Variants in UNC5C observed in about 807,000 individuals in gnomAD.
The protein encoded by UNC5C is netrin receptor UNC5C.
A neutral mutation model predicts 99.8 loss-of-function variants in UNC5C; 47 were observed. The observed-to-expected ratio is 0.47, with a 90% confidence interval of 0.37 to 0.60. UNC5C has a LOEUF of 0.60. Among genes scored for constraint, UNC5C ranks in the 20% least tolerant of loss-of-function variants. The pLI, the probability that UNC5C is intolerant of heterozygous loss-of-function variation, is 0.00. For missense variants in UNC5C, 1,062 were observed against 1,165.9 expected (o/e 0.91, Z 1.30); for synonymous variants, 487 against 452.2 (o/e 1.08, Z -0.98).
At chr4:95,455,967 C>A (rs1323117880) in intron 1 of UNC5C, among the ~76,000 whole-genome samples, 1 of 152,058 alleles carries the variant, frequency 6.6e-6, no homozygotes, top group African/African-American at 2.4e-5. Flanking sequence ...GTGTCTGAAA[C>A]CACAAGTTTG....
At chr4:95,340,941 G>C (rs1027768963) in intron 1 of UNC5C, among the ~76,000 whole-genome samples, 1 of 152,054 alleles carries the variant, frequency 6.6e-6, no homozygotes, top group African/African-American at 2.4e-5. Flanking sequence ...TTTAATAAAT[G>C]CAATGTGATG....
At chr4:95,370,401 A>G (rs1744709586) in intron 1 of UNC5C, among the ~76,000 whole-genome samples, 1 of 152,142 alleles carries the variant, frequency 6.6e-6, no homozygotes, top group Non-Finnish European at 1.5e-5. Flanking sequence ...ACTTTTGCTT[A>G]TGTCACAGCA....
At position 95,220,049 on chromosome 4, in the gene UNC5C, A is replaced by C. The variant is rs1478829968; in HGVS notation, c.1236T>G (p.Asp412Glu). The C allele has an allele frequency of 6.2e-7, 1 of 1,614,170 alleles. No homozygotes were observed. The highest frequency in any genetic ancestry group is 8.5e-7 in the Non-Finnish European group (1 of 1,180,008). Residue 412 changes from aspartate to glutamate, a missense_variant, in exon 8 of 16, where the codon GAT becomes GAG. Asp to Glu is a conservative substitution (Grantham distance 45, BLOSUM62 2). Around this residue, in one of 3 missense-constraint regions of UNC5C, gnomAD observed 810 missense variants for 854.5 expected, o/e 0.95. Coordinates refer to ENST00000453304, the MANE Select transcript of UNC5C (RefSeq NM_003728.4). Reference sequence around the variant, plus strand: ...CATTGAGTGCCGAAGAGTCAATAATATCTGACTCAAAGTCACGATGATTCT... The same window carrying C: ...CATTGAGTGCCGAAGAGTCAATAATCTCTGACTCAAAGTCACGATGATTCT... ...YRKNHRDFESDIIDSSALNGG... is the reference protein window; with the variant it reads ...YRKNHRDFESEIIDSSALNGG...
intron 1 of UNC5C, among the ~76,000 whole-genome samples, chr4:95,527,493 T>C (rs1722529056): frequency 6.6e-6 from 1 of 152,100 alleles, no homozygotes; most frequent in South Asian, 2.1e-4. Flanking sequence ...TTTTTTTAAA[T>C]ATTGGAGTAT....
intron 1 of UNC5C, among the ~76,000 whole-genome samples, chr4:95,388,569 G>C (rs1390094538): frequency 6.6e-6 from 1 of 152,172 alleles, no homozygotes. Context: ...TACAGTATTT[G>C]CTTTCCTTCT....
chr4:95,224,624 A>G (rs1357678984), intron 7 of UNC5C, among the ~76,000 whole-genome samples: 2 of 152,044 alleles, frequency 1.3e-5, no homozygotes, highest in African/African-American at 4.8e-5. Flanking sequence ...TCATTCATTC[A>G]TTCATTCATC....
At chr4:95,505,148 T>TA (rs1721880625) in intron 1 of UNC5C, among the ~76,000 whole-genome samples, 1 of 152,136 alleles carries the variant, frequency 6.6e-6, no homozygotes, top group African/African-American at 2.4e-5. Context: ...AATTTGATTC[T>TA]AATTATTCAT....
intron 7 of UNC5C, among the ~76,000 whole-genome samples, chr4:95,237,111 G>A (rs1270665146): frequency 1.3e-5 from 2 of 151,904 alleles, no homozygotes; most frequent in Non-Finnish European, 2.9e-5. Context: ...TTGTTATACT[G>A]TATTTTAACA....
rs1044300137 is a variant in UNC5C at position 95,164,624 on chromosome 4, A to G, written c.*4610T>C. On this transcript the variant is annotated 3_prime_UTR_variant, in exon 16 of 16. Transcript: ENST00000453304. ...ATAAAATATTTTCCTTATTAGATCT[A>G]TAAAATCTAATGCTTATCAACCATT... 1 of 152,264 alleles carries G rather than the reference A, an allele frequency of 6.6e-6. No homozygotes were observed. Among genetic ancestry groups the G allele is most frequent in the Non-Finnish European group, 1.5e-5 (1 of 68,052 alleles). The allele number at this position is 152,264 out of a possible 1,614,324, so 9.4% of individuals were successfully genotyped here. A position where few individuals can be genotyped will look rare whatever the true frequency, so the allele number is the denominator to read the frequency against.
At chr4:95,260,240 C>T (rs1740169741) in intron 4 of UNC5C, among the ~76,000 whole-genome samples, 2 of 152,052 alleles carry the variant, frequency 1.3e-5, no homozygotes, top group Admixed American at 6.5e-5. Flanking sequence ...CAAAACGAAA[C>T]AAAAAAACCC....
intron 1 of UNC5C, among the ~76,000 whole-genome samples, chr4:95,389,606 G>T (rs553010883): frequency 4.6e-5 from 7 of 151,788 alleles, no homozygotes; most frequent in Non-Finnish European, 8.8e-5. Flanking sequence ...AATGACTGAT[G>T]CTTATTTCTG....
intron 15 of UNC5C, among the ~76,000 whole-genome samples, 164 bp downstream of exon 15, chr4:95,169,990 G>A (rs1353875290): frequency 6.6e-6 from 1 of 152,262 alleles, no homozygotes; most frequent in East Asian, 1.9e-4. Flanking sequence ...TTGCAAGCCC[G>A]TAGTGCAAGG....
intron 1 of UNC5C, among the ~76,000 whole-genome samples, chr4:95,413,176 T>C (rs1226198243): frequency 1.3e-5 from 2 of 152,182 alleles, no homozygotes; most frequent in African/African-American, 4.8e-5. Context: ...ACAGCTTTCC[T>C]TGATTTGTTG....
chr4:95,444,614 A>G (rs1428836588), intron 1 of UNC5C, among the ~76,000 whole-genome samples: 2 of 152,166 alleles, frequency 1.3e-5, no homozygotes, highest in African/African-American at 4.8e-5. Flanking sequence ...TACAGGCGTG[A>G]GGCACCGCGC....
rs1190388366 is a variant in UNC5C, at chr4:95,197,009, T to G, written c.2136+5722A>C. Among the ~76,000 whole-genome samples the G allele has an allele frequency of 2.7e-4, 11 of 41,420 alleles. 1 individual carries two copies. Among genetic ancestry groups the G allele is most frequent in the African/African-American group, 3.4e-4 (2 of 5,882 alleles). 27.2% of individuals were successfully genotyped at this position (41,420 alleles called of 152,430 possible). A position where few individuals can be genotyped will look rare whatever the true frequency, so the allele number is the denominator to read the frequency against. On this transcript the variant is annotated intron_variant, in intron 12 of 15. Transcript: ENST00000453304. ...TATAATATATATTTATATATTATAT[T>G]TATGTAATATATAATATATATTTAT... is the stretch of plus-strand genomic sequence containing the variant.
At chr4:95,186,784 TA>T (rs930776942) in intron 12 of UNC5C, among the ~76,000 whole-genome samples, 1 of 152,056 alleles carries the variant, frequency 6.6e-6, no homozygotes, top group African/African-American at 2.4e-5. Flanking sequence ...GGCTGATGAG[TA>T]GCTATGGCTT....
chr4:95,416,966 G>T (rs1447077751), intron 1 of UNC5C, among the ~76,000 whole-genome samples: 1 of 152,132 alleles, frequency 6.6e-6, no homozygotes, highest in Admixed American at 6.5e-5. Context: ...TGACAAGTCT[G>T]TAGTCTCATT....
At chr4:95,272,758 G>A in intron 4 of UNC5C, among the ~76,000 whole-genome samples, 1 of 152,126 alleles carries the variant, frequency 6.6e-6, no homozygotes, top group East Asian at 1.9e-4. Context: ...GGTAATTACT[G>A]GGCACTGAAA....
intron 1 of UNC5C, among the ~76,000 whole-genome samples, chr4:95,467,322 T>C (rs1038023078): frequency 1.3e-5 from 2 of 151,964 alleles, no homozygotes; most frequent in Non-Finnish European, 2.9e-5. Flanking sequence ...TTTTGGAAGA[T>C]AGAGAAGGAA....
Sources: gnomAD v4.1 joint callset for allele counts (sites outside exome capture counted in the v4.1 genomes callset) on GRCh38, gnomAD v4.1.1 for gene constraint, gnomAD v4.1.1 regional missense constraint, MANE v1.5 for transcripts, NCBI Gene and HGNC (gene_info 2026-07-23, HGNC 2026-07-21) for gene names.